The following CUBN variants were observed in gnomAD, a reference collection of about 807,000 sequenced individuals.
CUBN encodes the protein cubilin, also known as 460 kDa receptor.
A neutral mutation model predicts 405.3 loss-of-function variants in CUBN; 282 were observed. That is an observed-to-expected ratio of 0.70 (90% CI 0.63 to 0.77). The LOEUF (loss-of-function observed/expected upper bound fraction) is 0.77, where lower values mean the gene tolerates loss of function less well. CUBN is among the 30% of genes least tolerant of loss of function. The pLI, the probability that CUBN is intolerant of heterozygous loss-of-function variation, is 0.00. For synonymous variants in CUBN, 1,684 were observed against 1,617.0 expected (o/e 1.04, Z -0.99); for missense variants, 4,514 against 4,475.2 (o/e 1.01, Z -0.25).
chr10:17,019,649 CCTAACAGACTTAA>C (rs1442489048), intron 28 of CUBN, among the ~76,000 whole-genome samples, 171 bp downstream of exon 28: 2 of 152,180 alleles, frequency 1.3e-5, no homozygotes, highest in Non-Finnish European at 1.5e-5. Flanking sequence ...CTCTCTTAAT[CCTAACAGACTTAA>C]CTCTCCAAGT....
intron 40 of CUBN, among the ~76,000 whole-genome samples, chr10:16,929,101 G>T (rs2131588358): frequency 6.6e-6 from 1 of 151,338 alleles, no homozygotes; most frequent in East Asian, 1.9e-4. Flanking sequence ...TTTCTTCAGT[G>T]CCAGTGGGGT....
intron 59 of CUBN, among the ~76,000 whole-genome samples, chr10:16,861,978 G>A (rs185845903): frequency 1.3e-4 from 20 of 152,142 alleles, no homozygotes; most frequent in African/African-American, 1.9e-4. Context: ...GTGAAAGCCC[G>A]TCTCCACTAA....
At chr10:17,060,850 G>C (rs1330262843) in intron 22 of CUBN, among the ~76,000 whole-genome samples, 1 of 151,770 alleles carries the variant, frequency 6.6e-6, no homozygotes, top group Non-Finnish European at 1.5e-5. Context: ...CAGGAGTTCA[G>C]GACCAGCCTG....
At chr10:16,966,322 A>G (rs1354558973) in intron 31 of CUBN, among the ~76,000 whole-genome samples, 3 of 152,144 alleles carry the variant, frequency 2.0e-5, no homozygotes, top group African/African-American at 7.2e-5. Context: ...CAGAACTTCT[A>G]TCGTTGCCAC....
chr10:17,004,789 C>T (rs1833973918), intron 28 of CUBN, among the ~76,000 whole-genome samples: 1 of 151,968 alleles, frequency 6.6e-6, no homozygotes, highest in Non-Finnish European at 1.5e-5. Flanking sequence ...CCTGCCTCAG[C>T]CTCCTGAGTA....
intron 28 of CUBN, among the ~76,000 whole-genome samples, chr10:17,009,445 C>T (rs1042909040): frequency 3.3e-5 from 5 of 152,198 alleles, no homozygotes; most frequent in Non-Finnish European, 4.4e-5. Flanking sequence ...AGCACATTGG[C>T]TGGAAGAGCC....
chr10:16,990,082 G>C (rs1468829377), intron 29 of CUBN, among the ~76,000 whole-genome samples: 1 of 152,160 alleles, frequency 6.6e-6, no homozygotes, highest in Non-Finnish European at 1.5e-5. Flanking sequence ...TCACTCACTC[G>C]TCCTGGGCTC....
At chr10:16,972,489 G>T (rs944811514) in intron 31 of CUBN, among the ~76,000 whole-genome samples, 1 of 150,728 alleles carries the variant, frequency 6.6e-6, no homozygotes, top group Non-Finnish European at 1.5e-5. Flanking sequence ...CCAGGCTGGA[G>T]TACAGTGGTG....
chr10:17,100,302 C>T (rs1836468357), intron 13 of CUBN, 63 bp from the exon 14 acceptor site: 2 of 1,133,874 alleles, frequency 1.8e-6, no homozygotes, highest in Admixed American at 3.7e-5. Flanking sequence ...AGTATTTCTC[C>T]CACTTCCTAG....
At position 16,990,329 on chromosome 10, in the gene CUBN, C is replaced by A; in HGVS notation, c.4350+5G>T. 6.2e-7 allele frequency: 1 copy of A among 1,614,154 alleles called. No homozygotes were observed. The highest frequency in any genetic ancestry group is 2.2e-5 in the East Asian group (1 of 44,884). ...ATGTGCTGAAAAAACCATCTCACTT[C>A]CTACCTCCAAGACATCAAAGTTGCA... On this transcript the variant is annotated splice_donor_5th_base_variant and intron_variant, in intron 29 of 66. Transcript: ENST00000377833.
chr10:17,062,827 C>A (rs147297561), intron 22 of CUBN, among the ~76,000 whole-genome samples: 2 of 152,184 alleles, frequency 1.3e-5, no homozygotes, highest in East Asian at 3.8e-4. Flanking sequence ...CAACCAAATA[C>A]CAACATTACT....
At chr10:17,037,125 A>G (rs768415843) in intron 27 of CUBN, among the ~76,000 whole-genome samples, 20 of 152,350 alleles carry the variant, frequency 1.3e-4, no homozygotes, top group Middle Eastern at 3.4e-3. Context: ...ATTACCTAGT[A>G]GTTTGAATAG....
intron 6 of CUBN, among the ~76,000 whole-genome samples, chr10:17,118,723 C>A (rs1464204437): frequency 6.6e-6 from 1 of 152,196 alleles, no homozygotes; most frequent in African/African-American, 2.4e-5. Flanking sequence ...AGGTGTGAGC[C>A]ACCGTGCCCA....
chr10:17,014,069 C>T (rs59169751), intron 28 of CUBN, among the ~76,000 whole-genome samples: 55,655 of 152,018 alleles, frequency 0.37, 10,432 homozygotes, highest in East Asian at 0.59. Context: ...TCTAAGTAGG[C>T]GGTTGTCTGA....
chr10:16,831,163 C>A lies in CUBN; in HGVS notation c.10528+89G>T, dbSNP rs148820784. The A allele has an allele frequency of 1.8e-5, 20 of 1,125,914 alleles. No homozygotes were observed. The African/African-American group carries it at 2.6e-4, about 15-fold the overall frequency. The allele number at this position is 1,125,914 out of a possible 1,614,324, so 69.7% of individuals were successfully genotyped here. ...ATAAACTAATCAGGTACACAGGTAGCTAAAAATATAAAGTTACTTTGCCTT... is the reference window on the plus strand; with the variant it reads ...ATAAACTAATCAGGTACACAGGTAGATAAAAATATAAAGTTACTTTGCCTT... On this transcript the variant is annotated intron_variant, in intron 65 of 66. Transcript: ENST00000377833.
chr10:16,916,098 A>C (rs1841877193), intron 45 of CUBN, 68 bp from the exon 46 acceptor site: 4 of 1,526,332 alleles, frequency 2.6e-6, no homozygotes, highest in Non-Finnish European at 3.6e-6. Flanking sequence ...TTCTATTACA[A>C]ATTTTGTTTT....
At chr10:16,859,553 C>A (rs1040378153) in intron 59 of CUBN, among the ~76,000 whole-genome samples, 7 of 152,058 alleles carry the variant, frequency 4.6e-5, no homozygotes, top group Admixed American at 1.3e-4. Flanking sequence ...TAATACAAGC[C>A]AGAGCATGAT....
At chr10:16,886,239 T>C (rs532568011) in intron 56 of CUBN, among the ~76,000 whole-genome samples, 1 of 152,256 alleles carries the variant, frequency 6.6e-6, no homozygotes, top group South Asian at 2.1e-4. Context: ...GGCAGTGAGG[T>C]CATAGGAAAA....
chr10:16,949,874 T>C, intron 34 of CUBN, 127 bp downstream of exon 34: 4 of 740,796 alleles, frequency 5.4e-6, no homozygotes, highest in Non-Finnish European at 9.5e-6. Flanking sequence ...ATCATCTTTA[T>C]TTGGCTTAGG....
Sources: gnomAD v4.1 joint callset for allele counts (sites outside exome capture counted in the v4.1 genomes callset) on GRCh38, gnomAD v4.1.1 for gene constraint, MANE v1.5 for transcripts, NCBI Gene and HGNC (gene_info 2026-07-23, HGNC 2026-07-21) for gene names.